Variants in SGK3 observed in about 807,000 individuals in gnomAD.
SGK3 encodes the protein serine/threonine-protein kinase Sgk3.
Under a neutral mutation model 68.5 loss-of-function variants are expected in SGK3, and 47 were observed. That is an observed-to-expected ratio of 0.69 (90% CI 0.54 to 0.87). The LOEUF (loss-of-function observed/expected upper bound fraction) is 0.87, where lower values mean the gene tolerates loss of function less well. SGK3 is among the 40% of genes least tolerant of loss of function. The probability of loss-of-function intolerance (pLI) is 0.00; values close to 1 mark genes in which losing one functional copy is unlikely to be tolerated. For synonymous variants in SGK3, 181 were observed against 189.1 expected (o/e 0.96, Z 0.35); for missense variants, 479 against 575.5 (o/e 0.83, Z 1.72).
At chr8:66,770,336 A>G (rs1411503703) in intron 1 of SGK3, among the ~76,000 whole-genome samples, 5 of 152,126 alleles carry the variant, frequency 3.3e-5, no homozygotes, top group African/African-American at 4.8e-5. Flanking sequence ...CCACATATTC[A>G]ATATTGAATG....
intron 1 of SGK3, among the ~76,000 whole-genome samples, chr8:66,766,614 G>T (rs1806327648): frequency 6.6e-6 from 1 of 152,116 alleles, no homozygotes; most frequent in Non-Finnish European, 1.5e-5. Context: ...CTCTCTACTT[G>T]TGTTATTATG....
chr8:66,790,119 T>C (rs1807379872), intron 1 of SGK3, among the ~76,000 whole-genome samples: 1 of 152,096 alleles, frequency 6.6e-6, no homozygotes, highest in Non-Finnish European at 1.5e-5. Flanking sequence ...CTTATTAGTC[T>C]TCCTTGATCT....
intron 1 of SGK3, among the ~76,000 whole-genome samples, chr8:66,784,679 C>T (rs1025465774): frequency 1.3e-5 from 2 of 151,974 alleles, no homozygotes; most frequent in Non-Finnish European, 2.9e-5. Context: ...AAAATGGATA[C>T]AATGATGAAG....
intron 1 of SGK3, among the ~76,000 whole-genome samples, chr8:66,787,899 C>T (rs575314642): frequency 8.5e-5 from 13 of 152,326 alleles, no homozygotes; most frequent in African/African-American, 2.4e-4. Flanking sequence ...ATCATAGATA[C>T]GTCCCTTTGG....
Position 66,859,508 on chromosome 8 carries a change from C to T in SGK3, c.1418C>T (p.Ala473Val), listed in dbSNP as rs1442595003. The stretch of plus-strand genomic sequence containing the variant: ...TCTTCTGACTATTCTATAGTGAATG[C>T]CAGTGTATTGGAGGCAGATGATGCA... Reference protein sequence around the residue: ...CVSSDYSIVNASVLEADDAFV... With the variant: ...CVSSDYSIVNVSVLEADDAFV... The change falls in exon 17 of 17, where the codon GCC becomes GTC. Residue 473 changes from alanine to valine, a missense_variant. Physicochemically the swap from Ala to Val is moderately conservative, Grantham distance 64. This residue lies in a region of SGK3 where 173 missense variants were observed against 214.3 expected (regional missense o/e 0.81). Transcript: ENST00000521198. 2 of 1,613,572 alleles carry T rather than the reference C, an allele frequency of 1.2e-6. No individual in the cohort carries two copies. Among genetic ancestry groups the T allele is most frequent in the East Asian group, 4.5e-5 (2 of 44,852 alleles).
chr8:66,818,633 G>A (rs1453471577), intron 5 of SGK3, among the ~76,000 whole-genome samples: 4 of 152,260 alleles, frequency 2.6e-5, no homozygotes, highest in East Asian at 3.9e-4. Flanking sequence ...ACAGATTAGT[G>A]TGTGCCCTGT....
chr8:66,786,874 T>C (rs545178852), intron 1 of SGK3, among the ~76,000 whole-genome samples: 1 of 151,074 alleles, frequency 6.6e-6, no homozygotes, highest in East Asian at 1.9e-4. Flanking sequence ...TTTATGTTGC[T>C]TGTCAGTCTT....
chr8:66,799,279 C>T (rs749698802), intron 3 of SGK3, among the ~76,000 whole-genome samples: 54 of 152,162 alleles, frequency 3.5e-4, no homozygotes, highest in Non-Finnish European at 6.9e-4. Context: ...TCTGTAATTC[C>T]AGCACTTTGA....
At chr8:66,784,763 A>C (rs549627815) in intron 1 of SGK3, among the ~76,000 whole-genome samples, 1 of 152,228 alleles carries the variant, frequency 6.6e-6, no homozygotes, top group Non-Finnish European at 1.5e-5. Context: ...ACATTTTAAC[A>C]TAACAAGAAT....
intron 4 of SGK3, among the ~76,000 whole-genome samples, chr8:66,808,367 C>G (rs1367927539): frequency 1.3e-5 from 2 of 152,096 alleles, no homozygotes; most frequent in African/African-American, 4.8e-5. Flanking sequence ...AAAACAAAAA[C>G]CCATGGACAA....
At chr8:66,734,650 C>A (rs1232910517) in intron 1 of SGK3, among the ~76,000 whole-genome samples, 2 of 152,014 alleles carry the variant, frequency 1.3e-5, no homozygotes, top group Non-Finnish European at 2.9e-5. Context: ...CAACTGTTGT[C>A]AAAAGTAGGT....
chr8:66,790,077 CA>C (rs1024204694), intron 1 of SGK3, among the ~76,000 whole-genome samples: 1 of 150,640 alleles, frequency 6.6e-6, no homozygotes, highest in Admixed American at 6.6e-5. Flanking sequence ...GACCCCATCT[CA>C]AAAAAAAGAA....
chr8:66,782,687 G>A (rs1330651897), intron 1 of SGK3, among the ~76,000 whole-genome samples: 1 of 152,096 alleles, frequency 6.6e-6, no homozygotes, highest in Non-Finnish European at 1.5e-5. Context: ...TGTTTTCCTA[G>A]TTTTGCCTTT....
intron 1 of SGK3, among the ~76,000 whole-genome samples, chr8:66,729,707 T>C (rs1393662120): frequency 6.7e-6 from 1 of 150,006 alleles, no homozygotes; most frequent in African/African-American, 2.5e-5. Flanking sequence ...CAGACTGTTT[T>C]CTAGAATGCC....
chr8:66,831,979 A>T (rs894648010), intron 8 of SGK3, among the ~76,000 whole-genome samples: 3 of 152,150 alleles, frequency 2.0e-5, no homozygotes, highest in African/African-American at 7.2e-5. Context: ...AAATAAGTAC[A>T]AATAATAACA....
chr8:66,757,717 C>T (rs1427945004), intron 1 of SGK3, among the ~76,000 whole-genome samples: 1 of 150,974 alleles, frequency 6.6e-6, no homozygotes, highest in Non-Finnish European at 1.5e-5. Flanking sequence ...GAGTTTGAGA[C>T]CAGCCTGGCC....
chr8:66,719,539 G>C (rs1012808994), intron 1 of SGK3, among the ~76,000 whole-genome samples: 2 of 151,892 alleles, frequency 1.3e-5, no homozygotes, highest in Non-Finnish European at 2.9e-5. Context: ...GACTGGTCTC[G>C]AACCCCTGGA....
Position 66,847,246 on chromosome 8 carries a change from A to G in SGK3, c.1128A>G (p.Lys376=). The change falls in exon 15 of 17, where the codon AAA becomes AAG. Residue 376 remains lysine (K), a synonymous_variant. Transcript: ENST00000521198. ...VAEMYDNILH[K]PLSLRPGVSL... ...AAATGTATGACAATATCCTTCACAA[A>G]CCCCTAAGTTTGAGGCCAGGAGTGA... 1 of 1,613,502 alleles carries G rather than the reference A, an allele frequency of 6.2e-7. No individual in the cohort carries two copies. The highest frequency in any genetic ancestry group is 1.1e-5 in the South Asian group (1 of 91,000).
chr8:66,788,355 G>A (rs916041348), intron 1 of SGK3, among the ~76,000 whole-genome samples: 3 of 152,182 alleles, frequency 2.0e-5, no homozygotes, highest in Non-Finnish European at 4.4e-5. Context: ...TTCCATAGGC[G>A]GTCATTGCAT....
Sources: allele counts gnomAD v4.1 joint callset (sites outside exome capture counted in the v4.1 genomes callset), GRCh38; gene constraint gnomAD v4.1.1; regional missense constraint gnomAD v4.1.1; transcripts MANE v1.5; gene names NCBI Gene and HGNC (gene_info 2026-07-23, HGNC 2026-07-21).